Variants in PLCB1 observed in about 807,000 individuals in gnomAD.
PLCB1 encodes the protein phospholipase C beta 1.
A neutral mutation model predicts 161.8 loss-of-function variants in PLCB1; 46 were observed. The ratio of observed to expected loss-of-function variants is 0.28; its 90% CI spans 0.22 to 0.36. The LOEUF (loss-of-function observed/expected upper bound fraction) is 0.36. Among genes scored for constraint, PLCB1 ranks in the 10% least tolerant of loss-of-function variants. The pLI, the probability that PLCB1 is intolerant of heterozygous loss-of-function variation, is 1.00. For synonymous variants in PLCB1, 517 were observed against 503.7 expected (o/e 1.03, Z -0.35); for missense variants, 1,016 against 1,472.5 (o/e 0.69, Z 5.07).
At chr20:8,672,630 C>A (rs1989976494) in intron 9 of PLCB1, among the ~76,000 whole-genome samples, 1 of 152,042 alleles carries the variant, frequency 6.6e-6, no homozygotes, top group South Asian at 2.1e-4. Flanking sequence ...CTTCCAGAGA[C>A]CTTAGCAATG....
chr20:8,384,382 A>G (rs1352843884), intron 3 of PLCB1, among the ~76,000 whole-genome samples: 3 of 151,926 alleles, frequency 2.0e-5, no homozygotes, highest in Non-Finnish European at 2.9e-5. Context: ...CAGGTCATTT[A>G]TGTTCCTCTC....
At chr20:8,291,336 C>A (rs1983373876) in intron 2 of PLCB1, among the ~76,000 whole-genome samples, 1 of 152,078 alleles carries the variant, frequency 6.6e-6, no homozygotes, top group South Asian at 2.1e-4. Flanking sequence ...TGTTTGCCCA[C>A]CTGTGAGCCT....
intron 9 of PLCB1, among the ~76,000 whole-genome samples, chr20:8,680,347 G>T (rs1246471067): frequency 1.3e-5 from 2 of 152,128 alleles, no homozygotes; most frequent in Non-Finnish European, 2.9e-5. Flanking sequence ...TATTTTTTAG[G>T]CTAATTCATT....
chr20:8,504,634 A>G (rs971797320), intron 3 of PLCB1, among the ~76,000 whole-genome samples: 1 of 151,934 alleles, frequency 6.6e-6, no homozygotes, highest in Non-Finnish European at 1.5e-5. Context: ...TTTCGCTTAT[A>G]TTTTCCTCTG....
chr20:8,778,868 C>T (rs1459706075), intron 27 of PLCB1, among the ~76,000 whole-genome samples: 5 of 152,172 alleles, frequency 3.3e-5, no homozygotes, highest in African/African-American at 4.8e-5. Flanking sequence ...TTAGCTGCGA[C>T]GTGTGTGCCA....
intron 9 of PLCB1, among the ~76,000 whole-genome samples, chr20:8,664,413 A>G (rs878937840): frequency 1.3e-5 from 2 of 152,124 alleles, no homozygotes; most frequent in East Asian, 3.8e-4. Context: ...TTTCCTTTAA[A>G]TAGACCTAAG....
At chr20:8,277,902 G>A (rs1982659622) in intron 2 of PLCB1, among the ~76,000 whole-genome samples, 1 of 152,128 alleles carries the variant, frequency 6.6e-6, no homozygotes, top group South Asian at 2.1e-4. Flanking sequence ...GCTGGAAGTT[G>A]AGGAATGCAG....
In PLCB1 at chr20:8,760,414, A is replaced by G; in HGVS notation, c.2664A>G (p.Val888=). 6.2e-7 allele frequency: 1 copy of G among 1,604,666 alleles called. No individual in the cohort carries two copies. The highest frequency in any genetic ancestry group is 8.5e-7 in the Non-Finnish European group (1 of 1,171,908). ...ALHSQPAPGS[V]KAPAKTEDLI... is the part of the protein sequence containing the mutation. ...TTATCTTTTATATTACAGGTTCTGT[A>G]AAGGCACCTGCCAAAACAGAAGATC... The change falls in exon 25 of 32, where the codon GTA becomes GTG. Residue 888 remains valine, a synonymous_variant. Coordinates refer to ENST00000338037, the MANE Select transcript of PLCB1 (RefSeq NM_015192.4).
intron 4 of PLCB1, among the ~76,000 whole-genome samples, chr20:8,636,611 A>G (rs1352560821): frequency 2.0e-5 from 3 of 152,226 alleles, no homozygotes; most frequent in Admixed American, 2.0e-4. Context: ...TTACACACAC[A>G]GAAGCAGCAG....
At chr20:8,715,631 A>G (rs932241440) in intron 12 of PLCB1, among the ~76,000 whole-genome samples, 3 of 152,180 alleles carry the variant, frequency 2.0e-5, no homozygotes, top group Non-Finnish European at 4.4e-5. Flanking sequence ...TTATGTATAT[A>G]TGAGTTGCAC....
chr20:8,628,980 T>A lies in PLCB1; in HGVS notation c.384+549T>A, dbSNP rs188812124. On this transcript the variant is annotated intron_variant, in intron 4 of 31. Coordinates refer to ENST00000338037, the MANE Select transcript of PLCB1 (RefSeq NM_015192.4). ...AAGAGAATAAGGCATTTGATATAGT[T>A]TCTTTGCATAACAAAATACAAATAA... 1.7e-3 allele frequency among the ~76,000 whole-genome samples: 257 copies of A among 152,220 alleles called. 2 individuals are homozygous for A. Among genetic ancestry groups the A allele is most frequent in the African/African-American group, 5.7e-3 (237 of 41,534 alleles).
At chr20:8,856,844 CAGTT>C (rs1987085935) in intron 31 of PLCB1, among the ~76,000 whole-genome samples, 1 of 152,124 alleles carries the variant, frequency 6.6e-6, no homozygotes, top group African/African-American at 2.4e-5. Flanking sequence ...TTTGTTGTAT[CAGTT>C]AGCTATTGCT....
At chr20:8,190,293 C>T (rs908716584) in intron 2 of PLCB1, among the ~76,000 whole-genome samples, 6 of 151,994 alleles carry the variant, frequency 3.9e-5, no homozygotes, top group Non-Finnish European at 7.4e-5. Context: ...CTGAAATTCT[C>T]GGATAAGTAG....
Position 8,623,306 on chromosome 20 carries a change from T to C in PLCB1, c.247-4988T>C, listed in dbSNP as rs190015422. 2.3e-4 allele frequency among the ~76,000 whole-genome samples: 35 copies of C among 152,294 alleles called. No homozygotes were observed. The East Asian group carries it at 6.2e-3, about 27-fold the overall frequency. ...TATTATCTGGATGATCGCCTTCGTG[T>C]TTCTTCTAATTTTTTTTTGTTTTAG... On this transcript the variant is annotated intron_variant, in intron 3 of 31. Coordinates refer to ENST00000338037, the MANE Select transcript of PLCB1 (RefSeq NM_015192.4).
At chr20:8,412,026 G>A (rs227885) in intron 3 of PLCB1, among the ~76,000 whole-genome samples, 139,937 of 152,070 alleles carry the variant, frequency 0.92, 64,501 homozygotes, top group African/African-American at 0.98. Context: ...CTCCGTCTCA[G>A]AAAAAAGAAA....
intron 3 of PLCB1, among the ~76,000 whole-genome samples, chr20:8,442,308 G>A (rs553332383): frequency 2.2e-4 from 34 of 152,336 alleles, no homozygotes; most frequent in African/African-American, 7.9e-4. Context: ...GGCAGGTTTC[G>A]TTGTCTGTGA....
At chr20:8,193,032 C>T in intron 2 of PLCB1, among the ~76,000 whole-genome samples, 1 of 151,904 alleles carries the variant, frequency 6.6e-6, no homozygotes, top group East Asian at 1.9e-4. Context: ...TGAAGTCCAG[C>T]CCAGGAATTT....
At chr20:8,314,305 T>C (rs888894961) in intron 2 of PLCB1, among the ~76,000 whole-genome samples, 21 of 152,264 alleles carry the variant, frequency 1.4e-4, no homozygotes, top group African/African-American at 4.6e-4. Flanking sequence ...TAGTTCTTAA[T>C]TTTTTTTCGG....
intron 3 of PLCB1, among the ~76,000 whole-genome samples, chr20:8,533,622 G>A (rs1984916401): frequency 6.6e-6 from 1 of 151,114 alleles, no homozygotes; most frequent in East Asian, 2.0e-4. Flanking sequence ...CAGTGATGGT[G>A]AGCATTTTTT....
Sources: allele counts gnomAD v4.1 joint callset (sites outside exome capture counted in the v4.1 genomes callset), GRCh38; gene constraint gnomAD v4.1.1; transcripts MANE v1.5; gene names NCBI Gene and HGNC (gene_info 2026-07-23, HGNC 2026-07-21).